NLGN1: variants seen among roughly 807,000 people sequenced by gnomAD.
NLGN1 encodes the protein neuroligin 1, also known as neuroligin-1.
A neutral mutation model predicts 65.5 loss-of-function variants in NLGN1; 12 were observed. The observed-to-expected ratio is 0.18, with a 90% CI of 0.12 to 0.30. NLGN1 has a LOEUF of 0.30. Ranked by LOEUF, NLGN1 falls within the 10% of genes least tolerant of loss-of-function variation. The pLI, the probability that NLGN1 is intolerant of heterozygous loss-of-function variation, is 1.00. For synonymous variants in NLGN1, 350 were observed against 359.5 expected (o/e 0.97, Z 0.30); for missense variants, 750 against 1,007.1 (o/e 0.74, Z 3.46).
chr3:174,189,383 TATTTC>T lies in NLGN1; in HGVS notation c.647-85923_647-85919del, dbSNP rs761523913. The stretch of plus-strand genomic sequence containing the variant: ...ACATCTTAAGTTACTCATCAACATC[TATTTC>T]ATTTCATTAATAATGAATTCAACCA... On this transcript the variant is annotated intron_variant, in intron 4 of 6. Coordinates refer to ENST00000457714, the Ensembl canonical transcript of NLGN1. Among the ~76,000 whole-genome samples the T allele has an allele frequency of 5.7e-4, 86 of 152,138 alleles. No homozygotes were observed. The Middle Eastern group carries it at 0.02, about 36-fold the overall frequency.
At chr3:173,965,525 G>A (rs1007125217) in intron 4 of NLGN1, among the ~76,000 whole-genome samples, 1 of 150,232 alleles carries the variant, frequency 6.7e-6, no homozygotes, top group African/African-American at 2.5e-5. Context: ...CACCATGCTG[G>A]CCAGAATGGT....
chr3:173,547,435 C>T (rs749676619), intron 2 of NLGN1, among the ~76,000 whole-genome samples: 17 of 152,232 alleles, frequency 1.1e-4, no homozygotes, highest in Admixed American at 6.5e-4. Flanking sequence ...GAATGTGCTG[C>T]GGAGCCTGGG....
intron 3 of NLGN1, among the ~76,000 whole-genome samples, chr3:173,793,850 G>A (rs1188617819): frequency 1.3e-5 from 2 of 152,076 alleles, no homozygotes; most frequent in Admixed American, 1.3e-4. Flanking sequence ...TTAAGACTCA[G>A]ATAGGGCAGA....
chr3:173,636,080 G>A (rs1252306207), intron 3 of NLGN1, among the ~76,000 whole-genome samples: 7 of 151,996 alleles, frequency 4.6e-5, no homozygotes, highest in South Asian at 4.1e-4. Flanking sequence ...ATTGCCTATC[G>A]TTTTTACAGT....
At chr3:174,095,990 A>T (rs1335857696) in intron 4 of NLGN1, among the ~76,000 whole-genome samples, 1 of 150,084 alleles carries the variant, frequency 6.7e-6, no homozygotes, top group African/African-American at 2.5e-5. Flanking sequence ...ACAGAGCGAG[A>T]CTCCATCTAA....
chr3:174,219,044 A>G (rs1738158735), intron 4 of NLGN1, among the ~76,000 whole-genome samples: 1 of 152,132 alleles, frequency 6.6e-6, no homozygotes, highest in Admixed American at 6.6e-5. Flanking sequence ...TCATTTTAAA[A>G]TAAGGACAAA....
Position 174,173,223 on chromosome 3 carries a change from T to A in NLGN1, c.647-102092T>A, listed in dbSNP as rs772408273. On this transcript the variant is annotated intron_variant, in intron 4 of 6. Transcript: ENST00000457714. ...CTAGTTTTTTGGTGGAGTCTTAGGTTTTTTCAAATATGAGATCATATCATC... is the reference window on the plus strand; with the variant it reads ...CTAGTTTTTTGGTGGAGTCTTAGGTATTTTCAAATATGAGATCATATCATC... Among the ~76,000 whole-genome samples, 27 of 152,054 alleles carry A rather than the reference T, an allele frequency of 1.8e-4. 1 individual carries two copies. The highest frequency in any genetic ancestry group is 3.4e-4 in the Non-Finnish European group (23 of 68,002).
At chr3:173,561,604 T>TACTA (rs1381306554) in intron 2 of NLGN1, among the ~76,000 whole-genome samples, 1 of 152,160 alleles carries the variant, frequency 6.6e-6, no homozygotes, top group Non-Finnish European at 1.5e-5. Flanking sequence ...TAATATAGAA[T>TACTA]TAATTAAAAT....
intron 4 of NLGN1, among the ~76,000 whole-genome samples, chr3:174,211,332 A>AT (rs1486016650): frequency 6.6e-6 from 1 of 152,106 alleles, no homozygotes. Context: ...CAGGGTGCTG[A>AT]TTGGTGCGTT....
At chr3:173,940,889 AT>A (rs1745972939) in intron 4 of NLGN1, among the ~76,000 whole-genome samples, 1 of 152,220 alleles carries the variant, frequency 6.6e-6, no homozygotes, top group African/African-American at 2.4e-5. Flanking sequence ...CTTTTACTAT[AT>A]TTTATAAATA....
At chr3:173,662,140 T>A (rs1761017943) in intron 3 of NLGN1, among the ~76,000 whole-genome samples, 1 of 152,050 alleles carries the variant, frequency 6.6e-6, no homozygotes, top group South Asian at 2.1e-4. Context: ...CCATGGCTGC[T>A]GAATACCTCT....
chr3:173,879,125 A>G (rs1334028138), intron 4 of NLGN1, among the ~76,000 whole-genome samples: 1 of 152,006 alleles, frequency 6.6e-6, no homozygotes, highest in Admixed American at 6.6e-5. Flanking sequence ...CCCTGAGTAC[A>G]GGCAGCTGAG....
chr3:174,267,148 G>A (rs570363910), intron 4 of NLGN1, among the ~76,000 whole-genome samples: 33 of 152,250 alleles, frequency 2.2e-4, no homozygotes, highest in South Asian at 4.1e-4. Flanking sequence ...TGTTTGTGTC[G>A]CTATAAAGGA....
At chr3:173,736,706 G>T (rs941532021) in intron 3 of NLGN1, among the ~76,000 whole-genome samples, 2 of 151,790 alleles carry the variant, frequency 1.3e-5, no homozygotes, top group Non-Finnish European at 2.9e-5. Flanking sequence ...AATATTAAAG[G>T]TGCTAGTAAA....
intron 2 of NLGN1, chr3:173,584,509 C>T (rs1202642610): frequency 7.0e-6 from 1 of 142,404 alleles, no homozygotes; most frequent in East Asian, 2.2e-4. Context: ...TTTTTTCAGT[C>T]ACCCGAACAG....
chr3:173,410,018 C>A (rs664525), intron 1 of NLGN1, among the ~76,000 whole-genome samples: 92,407 of 151,914 alleles, frequency 0.61, 28,388 homozygotes, highest in East Asian at 0.73. Context: ...AGGGGGAAAA[C>A]AACCAAACTT....
intron 3 of NLGN1, among the ~76,000 whole-genome samples, chr3:173,649,163 T>C (rs2149629588): frequency 6.6e-6 from 1 of 152,228 alleles, no homozygotes; most frequent in Admixed American, 6.5e-5. Context: ...ACTGGATAAT[T>C]CCATTAGTAT....
intron 4 of NLGN1, among the ~76,000 whole-genome samples, chr3:174,218,498 G>A (rs926148835): frequency 5.3e-5 from 8 of 151,676 alleles, no homozygotes; most frequent in Admixed American, 2.0e-4. Flanking sequence ...AGCACAAACC[G>A]ATAGTTGCTT....
At chr3:173,881,236 C>T (rs1433205078) in intron 4 of NLGN1, among the ~76,000 whole-genome samples, 2 of 150,866 alleles carry the variant, frequency 1.3e-5, no homozygotes, top group African/African-American at 4.9e-5. Context: ...GTAGCTGGGA[C>T]AATAGGCGCA....
Sources: allele counts gnomAD v4.1 joint callset (sites outside exome capture counted in the v4.1 genomes callset), GRCh38; gene constraint gnomAD v4.1.1; transcripts MANE v1.5; gene names NCBI Gene and HGNC (gene_info 2026-07-23, HGNC 2026-07-21).